Variants in STPG2 observed in about 807,000 individuals in gnomAD.
STPG2 encodes sperm tail PG-rich repeat containing 2.
Under a neutral mutation model 54.2 loss-of-function variants are expected in STPG2, and 56 were observed. That is an observed-to-expected ratio of 1.03 (90% CI 0.83 to 1.29). STPG2 has a LOEUF of 1.29. Among genes scored for constraint, STPG2 ranks in the 50% most tolerant of loss-of-function variants. The pLI is 0.00. For missense variants in STPG2, 596 were observed against 544.9 expected (o/e 1.09, Z -0.93); for synonymous variants, 200 against 181.8 (o/e 1.10, Z -0.81).
chr4:97,908,400 C>T (rs1382817505), intron 8 of STPG2, among the ~76,000 whole-genome samples: 1 of 149,568 alleles, frequency 6.7e-6, no homozygotes, highest in African/African-American at 2.5e-5. Flanking sequence ...AATAGGAACA[C>T]TTTTACGCTG....
chr4:97,881,842 G>A (rs1446734385), intron 8 of STPG2, among the ~76,000 whole-genome samples: 1 of 152,048 alleles, frequency 6.6e-6, no homozygotes, highest in African/African-American at 2.4e-5. Flanking sequence ...TTCACCCTTG[G>A]TTAGTCAGAC....
intron 6 of STPG2, among the ~76,000 whole-genome samples, chr4:97,979,348 C>A (rs1734596219): frequency 6.6e-6 from 1 of 152,118 alleles, no homozygotes; most frequent in Non-Finnish European, 1.5e-5. Flanking sequence ...GGATCCTCAT[C>A]AAGGAAATGC....
chr4:97,555,441 T>G (rs1732057673), downstream of STPG2, among the ~76,000 whole-genome samples: 1 of 152,150 alleles, frequency 6.6e-6, no homozygotes, highest in Non-Finnish European at 1.5e-5. Context: ...TAGGATCTCC[T>G]TAAACCTCAA....
At chr4:97,923,733 G>C (rs1055605281) in intron 8 of STPG2, among the ~76,000 whole-genome samples, 8 of 152,172 alleles carry the variant, frequency 5.3e-5, no homozygotes, top group African/African-American at 1.7e-4. Flanking sequence ...CTCAAGGTTT[G>C]TAAATGCACC....
At chr4:97,778,716 A>T (rs543384624) in intron 9 of STPG2, among the ~76,000 whole-genome samples, 2 of 152,172 alleles carry the variant, frequency 1.3e-5, no homozygotes, top group Non-Finnish European at 2.9e-5. Flanking sequence ...ACGGCTGGGT[A>T]CTACTCTGAG....
intron 10 of STPG2, among the ~76,000 whole-genome samples, chr4:97,692,341 A>G (rs916871864): frequency 1.3e-5 from 2 of 151,964 alleles, no homozygotes; most frequent in Non-Finnish European, 2.9e-5. Context: ...GATAGCATAA[A>G]TAAAAACCAA....
chr4:97,592,338 T>C (rs1578410504), intron 10 of STPG2, among the ~76,000 whole-genome samples: 1 of 152,196 alleles, frequency 6.6e-6, no homozygotes, highest in Non-Finnish European at 1.5e-5. Flanking sequence ...TTATGTATTA[T>C]GATAATGAAA....
At chr4:97,828,875 A>G (rs1000672044) in intron 9 of STPG2, among the ~76,000 whole-genome samples, 6 of 152,230 alleles carry the variant, frequency 3.9e-5, no homozygotes, top group African/African-American at 1.4e-4. Context: ...TGCCCTGGTT[A>G]GGGGATTATA....
chr4:97,481,809 C>G (rs191008065), intron 4 of STPG2, among the ~76,000 whole-genome samples: 1 of 151,502 alleles, frequency 6.6e-6, no homozygotes, highest in African/African-American at 2.4e-5. Context: ...AGTTTTACTA[C>G]TTCTTTTCCA....
chr4:97,699,602 G>C (rs919209982), intron 10 of STPG2, among the ~76,000 whole-genome samples: 1 of 152,182 alleles, frequency 6.6e-6, no homozygotes. Context: ...GCATAACCAG[G>C]TGCACTGCTC....
intron 5 of STPG2, among the ~76,000 whole-genome samples, chr4:98,024,557 T>G (rs1736351931): frequency 6.6e-6 from 1 of 152,230 alleles, no homozygotes; most frequent in Admixed American, 6.5e-5. Flanking sequence ...TCTCCACATA[T>G]ATATGTAGCA....
intron 8 of STPG2, among the ~76,000 whole-genome samples, chr4:97,904,387 G>A (rs745663487): frequency 1.1e-4 from 16 of 152,210 alleles, no homozygotes; most frequent in Non-Finnish European, 2.1e-4. Flanking sequence ...ACCTGCAGCT[G>A]AGGGTCCTGT....
chr4:97,514,732 T>G (rs1731039936), intron 4 of STPG2, among the ~76,000 whole-genome samples: 1 of 152,106 alleles, frequency 6.6e-6, no homozygotes, highest in Non-Finnish European at 1.5e-5. Flanking sequence ...GGCTCAATTT[T>G]TTTTTCAGCC....
chr4:98,000,345 C>A (rs72617718), intron 5 of STPG2, among the ~76,000 whole-genome samples: 6,511 of 152,098 alleles, frequency 0.043, 236 homozygotes, highest in Admixed American at 0.13. Context: ...CTTCTATCAA[C>A]CTAATTTTTG....
chr4:98,135,079 T>C (rs568682244), intron 1 of STPG2, among the ~76,000 whole-genome samples: 1 of 151,836 alleles, frequency 6.6e-6, no homozygotes, highest in South Asian at 2.1e-4. Flanking sequence ...AAATTCAAGA[T>C]CTGTATTGGA....
At chr4:97,560,204 G>T (rs1732188870) in intron 10 of STPG2, among the ~76,000 whole-genome samples, 1 of 152,078 alleles carries the variant, frequency 6.6e-6, no homozygotes, top group African/African-American at 2.4e-5. Flanking sequence ...CAACATTTTG[G>T]AGTTATGACA....
At chr4:97,961,930 C>T (rs1175848285) in intron 7 of STPG2, among the ~76,000 whole-genome samples, 2 of 152,084 alleles carry the variant, frequency 1.3e-5, no homozygotes, top group Non-Finnish European at 2.9e-5. Context: ...CAGCATAATT[C>T]GCAATTGTAA....
intron 4 of STPG2, among the ~76,000 whole-genome samples, chr4:97,524,189 G>A (rs572547680): frequency 6.6e-6 from 1 of 151,868 alleles, no homozygotes; most frequent in South Asian, 2.1e-4. Context: ...AGGGAGCAAA[G>A]GAAATTAAGA....
At chr4:97,777,668 A>T (rs1466767384) in intron 9 of STPG2, among the ~76,000 whole-genome samples, 1 of 152,222 alleles carries the variant, frequency 6.6e-6, no homozygotes, top group Admixed American at 6.5e-5. Context: ...TGTATGAAGT[A>T]TTATAAATCC....
Sources: gnomAD v4.1 joint callset for allele counts (sites outside exome capture counted in the v4.1 genomes callset) on GRCh38, gnomAD v4.1.1 for gene constraint, MANE v1.5 for transcripts, NCBI Gene and HGNC (gene_info 2026-07-23, HGNC 2026-07-21) for gene names.